The following AUH variants were observed in gnomAD, a reference collection of about 807,000 sequenced individuals.
The protein encoded by AUH is methylglutaconyl-CoA hydratase, mitochondrial.
A neutral mutation model predicts 42.3 loss-of-function variants in AUH; 29 were observed. That is an observed-to-expected ratio of 0.69 (90% confidence interval 0.51 to 0.93). The LOEUF (loss-of-function observed/expected upper bound fraction) is 0.93. Among genes scored for constraint, AUH ranks in the 40% least tolerant of loss-of-function variants. AUH has a pLI of 0.00. For synonymous variants in AUH, 174 were observed against 166.4 expected (o/e 1.05, Z -0.35); for missense variants, 452 against 438.1 (o/e 1.03, Z -0.28).
intron 3 of AUH, among the ~76,000 whole-genome samples, chr9:91,337,634 G>C (rs184032402): frequency 4.3e-4 from 66 of 152,284 alleles, no homozygotes; most frequent in Non-Finnish European, 2.9e-5. Context: ...GGCAAACAGA[G>C]TAAACTACAG....
intron 6 of AUH, among the ~76,000 whole-genome samples, chr9:91,227,209 G>T (rs1003719172): frequency 1.3e-5 from 2 of 151,138 alleles, no homozygotes; most frequent in African/African-American, 4.8e-5. Context: ...CCATTTGTTT[G>T]TGTCCTCGTT....
At chr9:91,309,912 C>T (rs1245039591) in intron 4 of AUH, among the ~76,000 whole-genome samples, 3 of 151,792 alleles carry the variant, frequency 2.0e-5, no homozygotes, top group African/African-American at 7.3e-5. Flanking sequence ...CTCTAAATAT[C>T]ATAATGCCTC....
intron 4 of AUH, among the ~76,000 whole-genome samples, chr9:91,298,489 TG>T (rs1827525950): frequency 6.6e-6 from 1 of 152,236 alleles, no homozygotes; most frequent in African/African-American, 2.4e-5. Flanking sequence ...CTTCAGTGCT[TG>T]GAATGACAGA....
chr9:91,361,869 C>A lies in AUH; in HGVS notation c.21G>T (p.Ala7=), dbSNP rs2132129403. The A allele has an allele frequency of 6.8e-7, 1 of 1,469,632 alleles. No homozygotes were observed. Among genetic ancestry groups the A allele is most frequent in the Non-Finnish European group, 9.0e-7 (1 of 1,116,964 alleles). The allele number at this position is 1,469,632 out of a possible 1,614,324, so 91.0% of individuals were successfully genotyped here. A position where few individuals can be genotyped will look rare whatever the true frequency, so the allele number is the denominator to read the frequency against. MAAAVA[A]APGALGSLHA... ...GCAGGGATCCCAAGGCCCCAGGTGC[C>A]GCCGCCACCGCGGCCGCCATGTTGT... Residue 7 remains alanine (A), a synonymous_variant, in exon 1 of 10, where the codon GCG becomes GCT. Transcript: ENST00000375731.
chr9:91,292,407 T>A, intron 6 of AUH, among the ~76,000 whole-genome samples: 1 of 151,644 alleles, frequency 6.6e-6, no homozygotes, highest in Admixed American at 6.6e-5. Context: ...GCCTCCCAGG[T>A]AGCTGTGATT....
intron 6 of AUH, among the ~76,000 whole-genome samples, chr9:91,287,695 A>AT (rs1308067276): frequency 2.6e-5 from 4 of 152,160 alleles, no homozygotes; most frequent in African/African-American, 9.6e-5. Flanking sequence ...AAAACTACAG[A>AT]TTTAACCAAA....
At chr9:91,259,112 T>A (rs1407669378) in intron 6 of AUH, among the ~76,000 whole-genome samples, 1 of 152,218 alleles carries the variant, frequency 6.6e-6, no homozygotes, top group Non-Finnish European at 1.5e-5. Context: ...CTTCCTTAAA[T>A]GGCTGACTGA....
intron 6 of AUH, among the ~76,000 whole-genome samples, chr9:91,292,028 C>T (rs112551294): frequency 2.8e-4 from 43 of 151,926 alleles, no homozygotes; most frequent in Non-Finnish European, 5.0e-4. Flanking sequence ...AATGGGAATG[C>T]CTCCAAATTC....
chr9:91,302,976 T>G (rs1286092964), intron 4 of AUH, among the ~76,000 whole-genome samples: 1 of 152,244 alleles, frequency 6.6e-6, no homozygotes, highest in Non-Finnish European at 1.5e-5. Flanking sequence ...CAGTATGTTA[T>G]GCAACCAATA....
intron 6 of AUH, among the ~76,000 whole-genome samples, chr9:91,234,793 T>C (rs1415413172): frequency 6.7e-6 from 1 of 149,152 alleles, no homozygotes; most frequent in Non-Finnish European, 1.5e-5. Flanking sequence ...GAGAAGAGAC[T>C]GTGAGGAGTG....
chr9:91,304,418 G>T (rs1009179204), intron 4 of AUH, among the ~76,000 whole-genome samples: 4 of 152,168 alleles, frequency 2.6e-5, no homozygotes, highest in African/African-American at 9.7e-5. Flanking sequence ...CATGGAATAG[G>T]GTCCAACTCC....
intron 4 of AUH, among the ~76,000 whole-genome samples, chr9:91,299,496 T>A (rs1827617613): frequency 6.6e-6 from 1 of 152,032 alleles, no homozygotes; most frequent in Non-Finnish European, 1.5e-5. Flanking sequence ...AGGCAGTATT[T>A]CACTATCTGT....
intron 6 of AUH, among the ~76,000 whole-genome samples, chr9:91,231,296 G>A (rs998002486): frequency 2.6e-5 from 4 of 152,156 alleles, no homozygotes; most frequent in Non-Finnish European, 4.4e-5. Context: ...TATTCGGGTC[G>A]GGTGGGAGTG....
intron 6 of AUH, among the ~76,000 whole-genome samples, chr9:91,283,232 T>C (rs1826118454): frequency 6.6e-6 from 1 of 152,216 alleles, no homozygotes; most frequent in Non-Finnish European, 1.5e-5. Context: ...TCTCAATAGA[T>C]GCAGAAAAGG....
intron 6 of AUH, among the ~76,000 whole-genome samples, chr9:91,280,488 G>A (rs556877849): frequency 6.6e-6 from 1 of 152,004 alleles, no homozygotes; most frequent in African/African-American, 2.4e-5. Flanking sequence ...ATAAATTTGA[G>A]GTTATAAGGA....
At chr9:91,294,390 A>T (rs1043073023) in intron 6 of AUH, among the ~76,000 whole-genome samples, 1 of 152,190 alleles carries the variant, frequency 6.6e-6, no homozygotes, top group African/African-American at 2.4e-5. Flanking sequence ...TCTACAAAAA[A>T]TACAAAAATT....
chr9:91,334,514 C>T (rs1279646769), intron 3 of AUH, among the ~76,000 whole-genome samples: 1 of 152,216 alleles, frequency 6.6e-6, no homozygotes, highest in Non-Finnish European at 1.5e-5. Context: ...GAATCTCAGG[C>T]CTTTGGACGC....
At chr9:91,361,254 G>C (rs770410834) in intron 1 of AUH, among the ~76,000 whole-genome samples, 1 of 152,124 alleles carries the variant, frequency 6.6e-6, no homozygotes, top group African/African-American at 2.4e-5. Flanking sequence ...ACCACTAATA[G>C]CTGAGTTTAC....
At chr9:91,355,362 G>C (rs752300774) in intron 3 of AUH, among the ~76,000 whole-genome samples, 6 of 152,114 alleles carry the variant, frequency 3.9e-5, no homozygotes, top group Non-Finnish European at 8.8e-5. Context: ...TTCGAGACCA[G>C]CCTGGCCAAC....
Sources: gnomAD v4.1 joint callset for allele counts (sites outside exome capture counted in the v4.1 genomes callset) on GRCh38, gnomAD v4.1.1 for gene constraint, MANE v1.5 for transcripts, NCBI Gene and HGNC (gene_info 2026-07-23, HGNC 2026-07-21) for gene names.